The following SLC41A3 variants were observed in gnomAD, a reference collection of about 807,000 sequenced individuals.
SLC41A3 encodes SLC41A1-like 2.
In SLC41A3, 44 loss-of-function variants were observed where a neutral mutation model predicts 45.4. The ratio of observed to expected loss-of-function variants is 0.97; its 90% confidence interval spans 0.76 to 1.25. The LOEUF (loss-of-function observed/expected upper bound fraction) is 1.25. Among genes scored for constraint, SLC41A3 ranks in the 50% most tolerant of loss-of-function variants. SLC41A3 has a pLI of 0.00. For synonymous variants in SLC41A3, 256 were observed against 252.4 expected, an observed-to-expected ratio of 1.01 and a Z score of -0.13; for missense variants, 550 against 600.6, an observed-to-expected ratio of 0.92 and a Z score of 0.88.
intron 3 of SLC41A3, among the ~76,000 whole-genome samples, chr3:126,048,560 C>T (rs9849490): frequency 0.34 from 51,924 of 151,936 alleles, 9,824 homozygotes; most frequent in African/African-American, 0.52. Flanking sequence ...GTTTTTCTCT[C>T]CCTTTCCAAT....
At chr3:126,047,168 A>G (rs1943021173) in intron 3 of SLC41A3, among the ~76,000 whole-genome samples, 2 of 151,986 alleles carry the variant, frequency 1.3e-5, no homozygotes, top group Non-Finnish European at 2.9e-5. Flanking sequence ...TTTGAGACCA[A>G]CCTGGGCAAC....
At chr3:126,079,419 G>T (rs1450946167) in intron 1 of SLC41A3, among the ~76,000 whole-genome samples, 2 of 152,080 alleles carry the variant, frequency 1.3e-5, no homozygotes, top group East Asian at 3.9e-4. Flanking sequence ...AAGCCTAGGA[G>T]AAAATAGTTG....
intron 1 of SLC41A3, among the ~76,000 whole-genome samples, chr3:126,073,677 A>C (rs1012423893): frequency 6.6e-6 from 1 of 152,212 alleles, no homozygotes; most frequent in Non-Finnish European, 1.5e-5. Context: ...TCGTGAAGAA[A>C]TAAAAAATAT....
chr3:126,049,495 T>A (rs1046646418), intron 3 of SLC41A3, among the ~76,000 whole-genome samples: 19 of 151,590 alleles, frequency 1.3e-4, no homozygotes, highest in African/African-American at 4.4e-4. Flanking sequence ...AAAAAAAAAA[T>A]GCAGTTAAAC....
At chr3:126,089,766 G>A (rs144790430) in intron 1 of SLC41A3, among the ~76,000 whole-genome samples, 91 of 152,254 alleles carry the variant, frequency 6.0e-4, no homozygotes, top group African/African-American at 1.9e-3. Flanking sequence ...CTATGTTAAT[G>A]GAAACAATGG....
intron 1 of SLC41A3, among the ~76,000 whole-genome samples, chr3:126,081,254 G>A (rs367741725): frequency 1.1e-3 from 162 of 152,310 alleles, no homozygotes; most frequent in African/African-American, 3.6e-3. Flanking sequence ...GAAATAAGCC[G>A]TGGACAGAAA....
chr3:126,007,619 T>C (rs1939236444), intron 10 of SLC41A3, among the ~76,000 whole-genome samples: 2 of 152,158 alleles, frequency 1.3e-5, no homozygotes, highest in South Asian at 4.1e-4. Flanking sequence ...GAAGGTGCCA[T>C]GGGGTAGTCC....
intron 6 of SLC41A3, among the ~76,000 whole-genome samples, chr3:126,019,011 T>C (rs1244256159): frequency 6.6e-6 from 1 of 152,206 alleles, no homozygotes; most frequent in Non-Finnish European, 1.5e-5. Flanking sequence ...TTTTGTTGCT[T>C]ATAACAGAAC....
At position 126,058,504 on chromosome 3, in the gene SLC41A3, G is replaced by A. The variant is rs1008254069; in HGVS notation, c.274-7454C>T. On this transcript the variant is annotated intron_variant, in intron 2 of 10. Transcript: ENST00000360370. ...GCAGCCAGAAATGCAAGCCTCACTC[G>A]GAGCCCCTACCATCTCAGTCCCACA... Among the ~76,000 whole-genome samples the A allele has an allele frequency of 3.3e-5, 5 of 152,194 alleles. No homozygotes were observed. In the South Asian group the frequency reaches 6.2e-4, roughly 19 times the overall value.
intron 6 of SLC41A3, among the ~76,000 whole-genome samples, chr3:126,017,124 A>G (rs912910410): frequency 6.6e-6 from 1 of 152,184 alleles, no homozygotes; most frequent in Non-Finnish European, 1.5e-5. Context: ...TTCCCCATAT[A>G]AAGTACCCTG....
At chr3:126,055,554 T>A (rs770148940) in intron 2 of SLC41A3, among the ~76,000 whole-genome samples, 3 of 152,184 alleles carry the variant, frequency 2.0e-5, no homozygotes, top group Non-Finnish European at 4.4e-5. Context: ...AAACCATATA[T>A]GTATATGTTT....
chr3:126,016,868 C>T lies in SLC41A3; in HGVS notation c.753G>A (p.Arg251=), dbSNP rs1239774197. The T allele has an allele frequency of 1.9e-6, 3 of 1,612,084 alleles. No homozygotes were observed. The Admixed American group carries it at 5.0e-5, about 27-fold the overall frequency. Residue 251 remains arginine, a synonymous_variant, in exon 7 of 11, where the codon CGG becomes CGA. Transcript: ENST00000360370. ...TGAGGCAGACCAGCGGCGTCAGATACCGACTATCTGAAAGGAGAACAGGGA... is the reference window on the plus strand; with the variant it reads ...TGAGGCAGACCAGCGGCGTCAGATATCGACTATCTGAAAGGAGAACAGGGA... The part of the protein sequence containing the change: ...SSFFYRHKDS[R]YLTPLVCLSF...
intron 6 of SLC41A3, among the ~76,000 whole-genome samples, chr3:126,020,318 C>CA (rs529891540): frequency 4.6e-4 from 70 of 152,136 alleles, no homozygotes; most frequent in African/African-American, 1.7e-3. Context: ...GGGGGGGCCT[C>CA]AAAAAATCTC....
chr3:126,015,460 C>G, intron 8 of SLC41A3, 34 bp downstream of exon 8: 11 of 1,610,570 alleles, frequency 6.8e-6, no homozygotes, highest in Non-Finnish European at 9.3e-6. Flanking sequence ...CCTACCCAAC[C>G]CAGGGACCAC....
Position 126,026,501 on chromosome 3 carries a change from C to T in SLC41A3, c.454-22G>A, listed in dbSNP as rs753045706. On this transcript the variant is annotated intron_variant, in intron 4 of 10. Transcript: ENST00000360370. The surrounding 1 kb of genome is among the most constrained non-coding windows in gnomAD (Gnocchi z 4.2). ...GCACCTGTTGGACAGAAATCAGAAG[C>T]ATGAAGGGGGGCCCCGGGGCCACAG... 2.1e-5 allele frequency: 33 copies of T among 1,596,068 alleles called. No homozygotes were observed. The highest frequency in any genetic ancestry group is 2.3e-5 in the Non-Finnish European group (27 of 1,170,816).
At chr3:126,086,520 G>C (rs1945397954), upstream of SLC41A3, among the ~76,000 whole-genome samples, 1 of 95,414 alleles carries the variant, frequency 1.0e-5, no homozygotes, top group Non-Finnish European at 2.1e-5. Flanking sequence ...GTGTGTGTGT[G>C]TGTGTGTGTG....
intron 1 of SLC41A3, among the ~76,000 whole-genome samples, chr3:126,068,790 G>A (rs1189102095): frequency 6.6e-6 from 1 of 152,148 alleles, no homozygotes; most frequent in Non-Finnish European, 1.5e-5. Context: ...GACAAGGCTG[G>A]AGTTCTTACA....
At chr3:126,009,962 T>A (rs1469216557) in intron 9 of SLC41A3, among the ~76,000 whole-genome samples, 1 of 152,184 alleles carries the variant, frequency 6.6e-6, no homozygotes, top group African/African-American at 2.4e-5. Context: ...ACACACTTCG[T>A]CCTATTTCTC....
At chr3:126,070,581 A>G (rs1944570900) in intron 1 of SLC41A3, among the ~76,000 whole-genome samples, 1 of 152,248 alleles carries the variant, frequency 6.6e-6, no homozygotes, top group Non-Finnish European at 1.5e-5. Flanking sequence ...GCCAGAAGGC[A>G]ACAGGATGGC....
Sources: gnomAD v4.1 joint callset for allele counts (sites outside exome capture counted in the v4.1 genomes callset) on GRCh38, gnomAD v4.1.1 for gene constraint, Gnocchi (gnomAD v3.1) non-coding constraint, MANE v1.5 for transcripts, NCBI Gene and HGNC (gene_info 2026-07-23, HGNC 2026-07-21) for gene names.